Variants in C5orf63 observed in about 807,000 individuals in gnomAD.
The protein encoded by C5orf63 is glutaredoxin-like protein C5orf63.
In C5orf63, 18 loss-of-function variants were observed where a neutral mutation model predicts 13.3. The ratio of observed to expected loss-of-function variants is 1.36; its 90% confidence interval spans 0.94 to 2.01. The LOEUF (loss-of-function observed/expected upper bound fraction) is 2.01. C5orf63 is among the 30% of genes most tolerant of loss of function. The pLI is 0.00. For synonymous variants in C5orf63, 38 were observed against 44.7 expected, an observed-to-expected ratio of 0.85 and a Z score of 0.60; for missense variants, 118 against 127.7, an observed-to-expected ratio of 0.92 and a Z score of 0.36.
intron 2 of C5orf63, among the ~76,000 whole-genome samples, chr5:127,066,700 T>C (rs779064321): frequency 7.9e-5 from 12 of 151,924 alleles, no homozygotes; most frequent in Non-Finnish European, 1.2e-4. Context: ...GGTCTAAAGA[T>C]AAAGACTTGA....
chr5:127,063,007 TA>T (rs199741442), intron 2 of C5orf63, among the ~76,000 whole-genome samples: 232 of 117,630 alleles, frequency 2.0e-3, no homozygotes, highest in Middle Eastern at 8.6e-3. Flanking sequence ...GTCACAGACT[TA>T]AAAAAAAAAA....
chr5:127,057,725 G>A (rs903545486), intron 3 of C5orf63, among the ~76,000 whole-genome samples: 1 of 152,200 alleles, frequency 6.6e-6, no homozygotes, highest in African/African-American at 2.4e-5. Context: ...GGTCAAACAA[G>A]GTGATGCTCT....
intron 3 of C5orf63, among the ~76,000 whole-genome samples, chr5:127,058,077 G>T (rs1286883725): frequency 1.3e-5 from 2 of 151,946 alleles, no homozygotes; most frequent in Admixed American, 6.6e-5. Context: ...TAGGTTCGGG[G>T]GTACATGTGC....
intron 2 of C5orf63, among the ~76,000 whole-genome samples, chr5:127,069,859 A>G (rs1033976684): frequency 2.0e-5 from 3 of 152,136 alleles, no homozygotes; most frequent in African/African-American, 7.2e-5. Context: ...CTTTATGTAT[A>G]AGGAAACTAA....
downstream of C5orf63, chr5:127,043,999 G>A (rs375423355): frequency 1.3e-5 from 2 of 152,254 alleles, no homozygotes; most frequent in Admixed American, 6.5e-5. Context: ...TCTGTGCAAT[G>A]CAATGCTGCA....
In C5orf63 at chr5:127,069,134, G is replaced by A. The variant is rs141214237; in HGVS notation, c.-8+2450C>T. On this transcript the variant is annotated intron_variant, in intron 2 of 4. Coordinates refer to ENST00000296662, the MANE Select transcript of C5orf63 (RefSeq NM_001164478.2). ...GTGGTTGGGTTATATCATACATGAG[G>A]CCTTAATAGAGTTTAAAAACCAATT... Among the ~76,000 whole-genome samples, 295 of 152,302 alleles carry A rather than the reference G, an allele frequency of 1.9e-3. 1 individual carries two copies. Among genetic ancestry groups the A allele is most frequent in the African/African-American group, 6.9e-3 (288 of 41,556 alleles).
intron 3 of C5orf63, among the ~76,000 whole-genome samples, chr5:127,055,873 G>A (rs1003838699): frequency 3.9e-5 from 6 of 152,104 alleles, no homozygotes; most frequent in African/African-American, 1.4e-4. Context: ...AGAAGTCTAT[G>A]CAAATTATAC....
chr5:127,057,057 T>A (rs1580528311), intron 3 of C5orf63, among the ~76,000 whole-genome samples: 1 of 152,240 alleles, frequency 6.6e-6, no homozygotes, highest in East Asian at 1.9e-4. Flanking sequence ...TGCAGAACTG[T>A]TAGGCTGAGT....
downstream of C5orf63, among the ~76,000 whole-genome samples, chr5:127,050,520 T>C (rs573904333): frequency 2.9e-4 from 44 of 152,208 alleles, no homozygotes; most frequent in Middle Eastern, 3.4e-3. Flanking sequence ...TCCAAAATGG[T>C]TGGGGATGCT....
chr5:127,051,927 G>C lies in C5orf63; in HGVS notation c.192C>G (p.Asn64Lys), dbSNP rs766380686. ...AGACAGAGTTTTCTGGAAGTGTGAT[G>C]TTCACCTCCTGTAAAATGAACTGAA... is the stretch of plus-strand genomic sequence containing the variant. ...YENRFILQEVNITLPENSVWY... is the reference protein window; with the variant it reads ...YENRFILQEVKITLPENSVWY... The change falls in exon 5 of 5, where the codon AAC (asparagine) becomes AAG (lysine). Residue 64 changes from asparagine (N) to lysine (K), a missense_variant. Transcript: ENST00000296662. 6.6e-7 allele frequency: 1 copy of C among 1,513,530 alleles called. No individual in the cohort carries two copies. Among genetic ancestry groups the C allele is most frequent in the East Asian group, 2.5e-5 (1 of 40,556 alleles). The allele number at this position is 1,513,530 out of a possible 1,614,324, so 93.8% of individuals were successfully genotyped here. A position where few individuals can be genotyped will look rare whatever the true frequency, so the allele number is the denominator to read the frequency against.
chr5:127,046,321 T>C (rs1398050811), downstream of C5orf63: 1 of 152,218 alleles, frequency 6.6e-6, no homozygotes, highest in Non-Finnish European at 1.5e-5. Context: ...AATCCATGCT[T>C]TCTCTCTACT....
At chr5:127,044,999 T>C (rs941406579), downstream of C5orf63, 1 of 152,158 alleles carries the variant, frequency 6.6e-6, no homozygotes, top group Non-Finnish European at 1.5e-5. Context: ...CTTTAGCTCC[T>C]TTCTGGATGT....
downstream of C5orf63, among the ~76,000 whole-genome samples, chr5:127,049,833 C>T (rs1294676034): frequency 6.6e-6 from 1 of 152,222 alleles, no homozygotes; most frequent in East Asian, 1.9e-4. Flanking sequence ...TTGGTCAAGG[C>T]TGCAGTTCTC....
chr5:127,072,027 C>G (rs1399475372), intron 1 of C5orf63: 1 of 152,216 alleles, frequency 6.6e-6, no homozygotes, highest in South Asian at 2.1e-4. Context: ...TAAAACCACA[C>G]AGCCACATAT....
rs1001121930 is a variant in C5orf63 at position 127,069,857 on chromosome 5, A to G, written c.-8+1727T>C. ...TTTGGAGATTCCCCTTGCTTTATGT[A>G]TAAGGAAACTAATGCTTAAAGTCTT... On this transcript the variant is annotated intron_variant, in intron 2 of 4. Transcript: ENST00000296662. Among the ~76,000 whole-genome samples, 7 of 152,144 alleles carry G rather than the reference A, an allele frequency of 4.6e-5. No homozygotes were observed. The East Asian group carries it at 1.3e-3, about 29-fold the overall frequency.
At chr5:127,060,249 A>G (rs1194553424) in intron 2 of C5orf63, among the ~76,000 whole-genome samples, 1 of 152,210 alleles carries the variant, frequency 6.6e-6, no homozygotes, top group Non-Finnish European at 1.5e-5. Context: ...ACTCCTTAAG[A>G]AGTGTTTCAA....
At chr5:127,056,935 A>G (rs1753908405) in intron 3 of C5orf63, among the ~76,000 whole-genome samples, 1 of 152,252 alleles carries the variant, frequency 6.6e-6, no homozygotes, top group Non-Finnish European at 1.5e-5. Context: ...AATGGTACAG[A>G]ATAAGCATTA....
chr5:127,051,170 G>GT (rs1326829221), downstream of C5orf63: 1 of 450,804 alleles, frequency 2.2e-6, no homozygotes, highest in Admixed American at 4.6e-5. Context: ...CATTTAAGGA[G>GT]TTTAAGTTTT....
downstream of C5orf63, among the ~76,000 whole-genome samples, chr5:127,048,749 C>T (rs548739125): frequency 6.6e-6 from 1 of 152,284 alleles, no homozygotes; most frequent in East Asian, 1.9e-4. Flanking sequence ...GCACTTCCTG[C>T]ACACTATAAC....
Sources: allele counts gnomAD v4.1 joint callset (sites outside exome capture counted in the v4.1 genomes callset), GRCh38; gene constraint gnomAD v4.1.1; transcripts MANE v1.5; gene names NCBI Gene and HGNC (gene_info 2026-07-23, HGNC 2026-07-21).